CLASP1: variants seen among roughly 807,000 people sequenced by gnomAD.
CLASP1 encodes cytoplasmic linker associated protein 1, also known as CLIP-associating protein 1.
CLASP1 carries 38 observed loss-of-function variants against 192.3 expected under a neutral mutation model. The ratio of observed to expected loss-of-function variants is 0.20; its 90% CI spans 0.15 to 0.26. CLASP1 has a LOEUF of 0.26. Ranked by LOEUF, CLASP1 falls within the 10% of genes least tolerant of loss-of-function variation. The pLI, the probability that CLASP1 is intolerant of heterozygous loss-of-function variation, is 1.00. For synonymous variants in CLASP1, 691 were observed against 712.8 expected, an observed-to-expected ratio of 0.97 and a Z score of 0.49; for missense variants, 1,433 against 1,932.5, an observed-to-expected ratio of 0.74 and a Z score of 4.85.
intron 2 of CLASP1, among the ~76,000 whole-genome samples, chr2:121,575,199 CCTCCCAGGT>C (rs2060391213): frequency 6.6e-6 from 1 of 151,904 alleles, no homozygotes; most frequent in Non-Finnish European, 1.5e-5. Flanking sequence ...GCAACCTCCG[CCTCCCAGGT>C]TCAAGCAATT....
chr2:121,401,408 T>C, intron 28 of CLASP1, 101 bp downstream of exon 29: 1 of 846,284 alleles, frequency 1.2e-6, no homozygotes, highest in South Asian at 1.8e-5. Context: ...AAAGAGATAT[T>C]CAAGGGGGTG....
chr2:121,633,647 T>A (rs2070225226), intron 1 of CLASP1, among the ~76,000 whole-genome samples: 1 of 151,988 alleles, frequency 6.6e-6, no homozygotes, highest in Admixed American at 6.6e-5. Flanking sequence ...TAGCCAAAAG[T>A]CAATCTCCTT....
intron 2 of CLASP1, among the ~76,000 whole-genome samples, chr2:121,558,750 A>G (rs1366058644): frequency 6.6e-6 from 1 of 152,212 alleles, no homozygotes; most frequent in Non-Finnish European, 1.5e-5. Context: ...TCTGTTATAA[A>G]CAAAAGAAAA....
intron 32 of CLASP1, among the ~76,000 whole-genome samples, chr2:121,385,922 C>T (rs2073085875): frequency 6.6e-6 from 1 of 152,108 alleles, no homozygotes; most frequent in African/African-American, 2.4e-5. Flanking sequence ...GAAGCCATGA[C>T]AACACAGACC....
At chr2:121,471,309 TA>T (rs2090677542) in intron 8 of CLASP1, among the ~76,000 whole-genome samples, 1 of 152,106 alleles carries the variant, frequency 6.6e-6, no homozygotes, top group Admixed American at 6.6e-5. Context: ...TTTGGAATCT[TA>T]AAAATCAACA....
At chr2:121,524,458 C>A (rs2094527424) in intron 6 of CLASP1, among the ~76,000 whole-genome samples, 1 of 150,684 alleles carries the variant, frequency 6.6e-6, no homozygotes, top group African/African-American at 2.4e-5. Context: ...CATATATTTT[C>A]CTTTTTTTTT....
intron 8 of CLASP1, among the ~76,000 whole-genome samples, chr2:121,492,456 C>T (rs1052826658): frequency 3.4e-5 from 5 of 144,944 alleles, no homozygotes; most frequent in African/African-American, 5.1e-5. Flanking sequence ...ATTTACAAAT[C>T]GTATCTGCAA....
chr2:121,526,931 A>C (rs2094588443), intron 5 of CLASP1, among the ~76,000 whole-genome samples: 1 of 152,236 alleles, frequency 6.6e-6, no homozygotes, highest in African/African-American at 2.4e-5. Flanking sequence ...TTAAAACCAC[A>C]ATGAGGTATT....
At chr2:121,394,575 G>A (rs1433413120) in intron 30 of CLASP1, among the ~76,000 whole-genome samples, 1 of 152,186 alleles carries the variant, frequency 6.6e-6, no homozygotes, top group Non-Finnish European at 1.5e-5. Context: ...GTGTCTAGGT[G>A]TGAATCCTTT....
intron 8 of CLASP1, among the ~76,000 whole-genome samples, chr2:121,496,887 C>T (rs1216078573): frequency 6.6e-6 from 1 of 152,116 alleles, no homozygotes; most frequent in Non-Finnish European, 1.5e-5. Flanking sequence ...GTATATAATT[C>T]AGCCATAAAA....
At chr2:121,526,435 A>G (rs2094575818) in intron 5 of CLASP1, among the ~76,000 whole-genome samples, 1 of 152,162 alleles carries the variant, frequency 6.6e-6, no homozygotes, top group Admixed American at 6.5e-5. Flanking sequence ...TTGAGTTACA[A>G]TTTTCACCAT....
chr2:121,527,667 A>G, intron 5 of CLASP1, 132 bp downstream of exon 5: 3 of 661,280 alleles, frequency 4.5e-6, no homozygotes, highest in Non-Finnish European at 5.3e-6. Flanking sequence ...ACACTGGGCA[A>G]GGGTGGGTAA....
intron 2 of CLASP1, among the ~76,000 whole-genome samples, chr2:121,597,863 A>G (rs990060582): frequency 4.6e-5 from 7 of 152,216 alleles, no homozygotes; most frequent in Admixed American, 2.6e-4. Context: ...GCTGCGTAGC[A>G]TAAGTCCCCC....
At chr2:121,540,247 A>G (rs573284597) in intron 2 of CLASP1, among the ~76,000 whole-genome samples, 1 of 152,358 alleles carries the variant, frequency 6.6e-6, no homozygotes, top group South Asian at 2.1e-4. Flanking sequence ...GATGCAATAA[A>G]CACTGAAAAT....
intron 1 of CLASP1, among the ~76,000 whole-genome samples, chr2:121,629,820 CAAA>C (rs1232058493): frequency 6.6e-6 from 1 of 151,118 alleles, no homozygotes; most frequent in East Asian, 1.9e-4. Flanking sequence ...AACTAGAAAA[CAAA>C]AATGATGCCA....
intron 33 of CLASP1, among the ~76,000 whole-genome samples, chr2:121,378,979 A>AAT (rs1287196721): frequency 6.6e-6 from 1 of 151,816 alleles, no homozygotes; most frequent in African/African-American, 2.4e-5. Context: ...AAAAAAAAAA[A>AAT]AAAAAAAGTT....
chr2:121,564,987 T>C (rs183562995), intron 2 of CLASP1, among the ~76,000 whole-genome samples: 1 of 152,160 alleles, frequency 6.6e-6, no homozygotes. Flanking sequence ...AAAGAAGTTG[T>C]ATACACAGGT....
At chr2:121,572,289 A>G (rs548457318) in intron 2 of CLASP1, among the ~76,000 whole-genome samples, 2 of 152,148 alleles carry the variant, frequency 1.3e-5, no homozygotes, top group African/African-American at 2.4e-5. Flanking sequence ...TTAGCAGGGC[A>G]TGGTGGCGGG....
At chr2:121,382,805 A>G (rs567100031) in intron 32 of CLASP1, among the ~76,000 whole-genome samples, 36 of 152,154 alleles carry the variant, frequency 2.4e-4, no homozygotes, top group Non-Finnish European at 4.1e-4. Context: ...AGACCGTGCT[A>G]CTCTGACCAG....
Sources: allele counts gnomAD v4.1 joint callset (sites outside exome capture counted in the v4.1 genomes callset), GRCh38; gene constraint gnomAD v4.1.1; transcripts MANE v1.5; gene names NCBI Gene and HGNC (gene_info 2026-07-23, HGNC 2026-07-21).